Variants in CLCN3 observed in about 807,000 individuals in gnomAD.
CLCN3 encodes Cl-/H+ antiporter 3.
Under a neutral mutation model 83.4 loss-of-function variants are expected in CLCN3, and 16 were observed. The ratio of observed to expected loss-of-function variants is 0.19; its 90% CI spans 0.13 to 0.29. The LOEUF (loss-of-function observed/expected upper bound fraction) is 0.29, where lower values mean the gene tolerates loss of function less well. Ranked by LOEUF, CLCN3 falls within the 10% of genes least tolerant of loss-of-function variation. The pLI is 1.00. For synonymous variants in CLCN3, 322 were observed against 346.2 expected, an observed-to-expected ratio of 0.93 and a Z score of 0.78; for missense variants, 544 against 1,006.0, an observed-to-expected ratio of 0.54 and a Z score of 6.21.
At chr4:169,695,355 C>T (rs560493601) in intron 7 of CLCN3, among the ~76,000 whole-genome samples, 1 of 152,082 alleles carries the variant, frequency 6.6e-6, no homozygotes, top group Middle Eastern at 3.2e-3. Context: ...CTCTTTACAC[C>T]CTATTCACAT....
intron 2 of CLCN3, among the ~76,000 whole-genome samples, chr4:169,668,368 T>C (rs1483658848): frequency 6.6e-6 from 1 of 152,138 alleles, no homozygotes; most frequent in African/African-American, 2.4e-5. Flanking sequence ...AATAATAGCT[T>C]GTGTTTATTG....
In CLCN3 at chr4:169,692,017, A is replaced by G. The variant is rs533381033; in HGVS notation, c.730-97A>G. On this transcript the variant is annotated intron_variant, in intron 6 of 12. Transcript: ENST00000513761. ...TTTCTGTAGACTGCTAAAATTTGCA[A>G]GGTTGTTTTTGTGCATAAAACAAGA... is the stretch of plus-strand genomic sequence containing the variant. 22 of 813,896 alleles carry G rather than the reference A, an allele frequency of 2.7e-5. No individual in the cohort carries two copies. In the African/African-American group the frequency reaches 3.1e-4, roughly 11 times the overall value. 50.4% of individuals were successfully genotyped at this position (813,896 alleles called of 1,614,324 possible). A position where few individuals can be genotyped will look rare whatever the true frequency, so the allele number is the denominator to read the frequency against.
chr4:169,654,103 A>G (rs921135181), intron 2 of CLCN3, among the ~76,000 whole-genome samples: 2 of 152,190 alleles, frequency 1.3e-5, no homozygotes, highest in South Asian at 2.1e-4. Flanking sequence ...CTCATTATAT[A>G]TAGGAGGGCC....
In CLCN3 at chr4:169,620,582, T is replaced by A. The variant is rs998809527; in HGVS notation, c.-498T>A. 1 of 396,434 alleles carries A rather than the reference T, an allele frequency of 2.5e-6. No homozygotes were observed. The highest frequency in any genetic ancestry group is 4.4e-5 in the Admixed American group (1 of 22,686). The allele number at this position is 396,434 out of a possible 1,614,324, so 24.6% of individuals were successfully genotyped here. A position where few individuals can be genotyped will look rare whatever the true frequency, so the allele number is the denominator to read the frequency against. The stretch of plus-strand genomic sequence containing the variant: ...GGCTCCTGACTCCTGCCGCTTCTCT[T>A]CCCCTTCCGTGGGTCAGGGCCGGTC... On this transcript the variant is annotated 5_prime_UTR_variant, in exon 1 of 13. Coordinates refer to ENST00000513761, the MANE Select transcript of CLCN3 (RefSeq NM_001829.4).
intron 2 of CLCN3, among the ~76,000 whole-genome samples, chr4:169,669,217 G>A (rs765379457): frequency 1.3e-5 from 2 of 152,152 alleles, no homozygotes; most frequent in African/African-American, 2.4e-5. Context: ...AGAAAAAGTC[G>A]AGAATAAGAA....
intron 12 of CLCN3, among the ~76,000 whole-genome samples, chr4:169,715,414 A>T (rs28628274): frequency 6.6e-6 from 1 of 152,150 alleles, no homozygotes; most frequent in South Asian, 2.1e-4. Flanking sequence ...ATTGATACAT[A>T]TATGGGGAGA....
intron 2 of CLCN3, among the ~76,000 whole-genome samples, chr4:169,657,060 C>T (rs761610337): frequency 6.6e-6 from 1 of 152,100 alleles, no homozygotes; most frequent in Non-Finnish European, 1.5e-5. Flanking sequence ...AATTAATTAT[C>T]AATTCATAGC....
At chr4:169,647,137 A>G (rs140808824) in intron 2 of CLCN3, among the ~76,000 whole-genome samples, 20 of 152,238 alleles carry the variant, frequency 1.3e-4, no homozygotes, top group African/African-American at 4.3e-4. Flanking sequence ...TGTAATGCCA[A>G]CACTTTGGGA....
Position 169,706,880 on chromosome 4 carries a change from G to A in CLCN3, c.1763G>A (p.Arg588Lys). ...GAAACLGGVT[R>K]MTVSLVVIVF... ...TTACTTTTTTCAGGTGGTGTGACAAGAATGACTGTCTCCCTGGTGGTTATT... is the reference window on the plus strand; with the variant it reads ...TTACTTTTTTCAGGTGGTGTGACAAAAATGACTGTCTCCCTGGTGGTTATT... The change falls in exon 11 of 13, where the codon AGA becomes AAA. Residue 588 changes from arginine to lysine, a missense_variant. Around this residue, in one of 6 missense-constraint regions of CLCN3, gnomAD observed 27 missense variants for 100.2 expected, o/e 0.27. Transcript: ENST00000513761. The A allele has an allele frequency of 6.2e-7, 1 of 1,610,442 alleles. No individual in the cohort carries two copies. Among genetic ancestry groups the A allele is most frequent in the Non-Finnish European group, 8.5e-7 (1 of 1,177,008 alleles).
intron 2 of CLCN3, among the ~76,000 whole-genome samples, chr4:169,670,544 A>G (rs1388690064): frequency 1.3e-5 from 2 of 152,200 alleles, no homozygotes; most frequent in Non-Finnish European, 2.9e-5. Context: ...GAAGTCAGGT[A>G]GTATGATGCC....
At position 169,722,228 on chromosome 4, in the gene CLCN3, T is replaced by A. The variant is rs564538022; in HGVS notation, c.*2231T>A. The A allele has an allele frequency of 3.3e-5, 5 of 152,370 alleles. No homozygotes were observed. In the East Asian group the frequency reaches 9.6e-4, roughly 29 times the overall value. 9.4% of individuals were successfully genotyped at this position (152,370 alleles called of 1,614,324 possible). On this transcript the variant is annotated 3_prime_UTR_variant, in exon 13 of 13. Transcript: ENST00000513761. ...AGTATACCTATTAAGATCTGTAAGATCCTGAAGACATAAGATCATGAAGCC... is the reference window on the plus strand; with the variant it reads ...AGTATACCTATTAAGATCTGTAAGAACCTGAAGACATAAGATCATGAAGCC...
chr4:169,642,740 C>T (rs952840686), intron 2 of CLCN3: 6 of 152,262 alleles, frequency 3.9e-5, no homozygotes, highest in African/African-American at 1.2e-4. Context: ...TCAGGCTGGT[C>T]TGCAACTCCT....
chr4:169,620,913 A>T lies in CLCN3; in HGVS notation c.-167A>T, dbSNP rs1773095001. On this transcript the variant is annotated 5_prime_UTR_variant, in exon 1 of 13. Coordinates refer to ENST00000513761, the MANE Select transcript of CLCN3 (RefSeq NM_001829.4). ...CGTAACCTCTGCGGTAGAAAACGTC[A>T]GGTATCTTTTAAATCGCGATAGTTT... 2.5e-6 allele frequency: 1 copy of T among 398,444 alleles called. No homozygotes were observed. The highest frequency in any genetic ancestry group is 3.6e-5 in the East Asian group (1 of 28,078). The allele number at this position is 398,444 out of a possible 1,614,324, so 24.7% of individuals were successfully genotyped here.
At chr4:169,702,085 G>A (rs1260857794) in intron 9 of CLCN3, among the ~76,000 whole-genome samples, 1 of 152,150 alleles carries the variant, frequency 6.6e-6, no homozygotes, top group African/African-American at 2.4e-5. Context: ...TCGGAAAGCT[G>A]CCGATCGCTA....
At chr4:169,697,002 AATG>A (rs1031331733) in intron 8 of CLCN3, among the ~76,000 whole-genome samples, 184 bp from the exon 9 acceptor site, 2 of 152,110 alleles carry the variant, frequency 1.3e-5, no homozygotes, top group Admixed American at 6.5e-5. Context: ...GTCAATTTGT[AATG>A]ATGATCACCA....
intron 1 of CLCN3, among the ~76,000 whole-genome samples, chr4:169,621,518 G>A (rs1044632913): frequency 3.9e-5 from 6 of 152,174 alleles, no homozygotes; most frequent in Non-Finnish European, 5.9e-5. Context: ...TGCTTTGTTT[G>A]TATGGCATTT....
chr4:169,621,183 G>A, intron 1 of CLCN3, 120 bp downstream of exon 1: 1 of 335,064 alleles, frequency 3.0e-6, no homozygotes, highest in Non-Finnish European at 5.3e-6. Context: ...AATGTTGAAA[G>A]GTACATCGTG....
In CLCN3 at chr4:169,721,581, C is replaced by G. The variant is rs1325676451; in HGVS notation, c.*1584C>G. ...GAAAACAATAGAATTGCAAAGATAG[C>G]AGTTAAAATTTTAATCTGAAAATAA... On this transcript the variant is annotated 3_prime_UTR_variant, in exon 13 of 13. Coordinates refer to ENST00000513761, the MANE Select transcript of CLCN3 (RefSeq NM_001829.4). The G allele has an allele frequency of 2.0e-5, 3 of 152,000 alleles. No individual in the cohort carries two copies. Among genetic ancestry groups the G allele is most frequent in the Admixed American group, 2.0e-4 (3 of 15,272 alleles). 9.4% of individuals were successfully genotyped at this position (152,000 alleles called of 1,614,324 possible).
chr4:169,655,991 T>C (rs895216910), intron 2 of CLCN3, among the ~76,000 whole-genome samples: 1 of 152,218 alleles, frequency 6.6e-6, no homozygotes, highest in Admixed American at 6.5e-5. Flanking sequence ...CCACCTCTTC[T>C]TTCTTTAGGG....
Sources: allele counts gnomAD v4.1 joint callset (sites outside exome capture counted in the v4.1 genomes callset), GRCh38; gene constraint gnomAD v4.1.1; regional missense constraint gnomAD v4.1.1; transcripts MANE v1.5; gene names NCBI Gene and HGNC (gene_info 2026-07-23, HGNC 2026-07-21).